The following MTRF1 variants were observed in gnomAD, a reference collection of about 807,000 sequenced individuals.
MTRF1 encodes peptide chain release factor 1, mitochondrial.
A neutral mutation model predicts 62.9 loss-of-function variants in MTRF1; 51 were observed. That is an observed-to-expected ratio of 0.81 (90% CI 0.65 to 1.02). The LOEUF is 1.02. MTRF1 is among the 50% of genes least tolerant of loss of function. The pLI is 0.00. For missense variants in MTRF1, 446 were observed against 530.0 expected (o/e 0.84, Z 1.56); for synonymous variants, 158 against 181.9 (o/e 0.87, Z 1.06).
chr13:41,225,751 G>T (rs1188509460), intron 8 of MTRF1, among the ~76,000 whole-genome samples: 5 of 147,506 alleles, frequency 3.4e-5, no homozygotes, highest in Non-Finnish European at 5.9e-5. Context: ...AGAGGCTGCA[G>T]TGAGCCAAGA....
the MTRF1 span, among the ~76,000 whole-genome samples, chr13:41,290,663 G>T: frequency 1.3e-5 from 2 of 151,564 alleles, no homozygotes; most frequent in Non-Finnish European, 2.9e-5. Context: ...AAAGTGCTGG[G>T]ATTACAGCTG....
upstream of MTRF1, among the ~76,000 whole-genome samples, chr13:41,267,970 A>G (rs996783499): frequency 6.6e-6 from 1 of 152,176 alleles, no homozygotes; most frequent in African/African-American, 2.4e-5. Context: ...TTTGTAAAGA[A>G]GGGGTTTCAT....
chr13:41,292,979 A>C, the MTRF1 span, among the ~76,000 whole-genome samples: 1 of 152,146 alleles, frequency 6.6e-6, no homozygotes, highest in Non-Finnish European at 1.5e-5. Context: ...ATTTGCCTGA[A>C]ATTTTGGTCC....
intron 9 of MTRF1, among the ~76,000 whole-genome samples, chr13:41,219,548 A>T (rs2032764532): frequency 6.6e-6 from 1 of 152,212 alleles, no homozygotes; most frequent in Non-Finnish European, 1.5e-5. Flanking sequence ...AAATTAAAAA[A>T]TGAAGGAGAA....
intron 5 of MTRF1, among the ~76,000 whole-genome samples, chr13:41,251,906 G>T (rs187088288): frequency 3.6e-4 from 55 of 151,630 alleles, no homozygotes; most frequent in Admixed American, 2.8e-3. Context: ...TTTTGAGACA[G>T]TCTCACTTTG....
At chr13:41,218,660 T>A (rs2032483121) in intron 9 of MTRF1, among the ~76,000 whole-genome samples, 2 of 152,210 alleles carry the variant, frequency 1.3e-5, no homozygotes, top group African/African-American at 4.8e-5. Context: ...ATTTGTACAT[T>A]GCCATTTTAG....
At chr13:41,263,800 T>C (rs910659423), upstream of MTRF1, among the ~76,000 whole-genome samples, 4 of 63,074 alleles carry the variant, frequency 6.3e-5, no homozygotes, top group African/African-American at 2.3e-4. Flanking sequence ...GGGATGGAGA[T>C]GGTGGGAGGG....
chr13:41,227,806 C>T (rs1291871571), intron 7 of MTRF1, among the ~76,000 whole-genome samples: 3 of 152,230 alleles, frequency 2.0e-5, no homozygotes, highest in Non-Finnish European at 4.4e-5. Flanking sequence ...AAATAAGCTA[C>T]AGTCACTACC....
intron 6 of MTRF1, among the ~76,000 whole-genome samples, chr13:41,237,700 T>C (rs568044274): frequency 6.6e-6 from 1 of 152,150 alleles, no homozygotes; most frequent in South Asian, 2.1e-4. Context: ...GGTTTCACCA[T>C]GTTGGCCAGG....
At chr13:41,310,855 C>CT in the MTRF1 span, among the ~76,000 whole-genome samples, 1 of 152,220 alleles carries the variant, frequency 6.6e-6, no homozygotes, top group Non-Finnish European at 1.5e-5. Flanking sequence ...GCAAAAAACT[C>CT]TGACTCTTCA....
chr13:41,311,537 C>T, the MTRF1 span: 3 of 1,605,682 alleles, frequency 1.9e-6, no homozygotes, highest in African/African-American at 4.0e-5. Flanking sequence ...CGATGCCGAA[C>T]GTGCTGCTGC....
intron 6 of MTRF1, among the ~76,000 whole-genome samples, chr13:41,238,429 T>C (rs941079732): frequency 6.6e-6 from 1 of 152,236 alleles, no homozygotes; most frequent in African/African-American, 2.4e-5. Context: ...TGAAACTTGA[T>C]ACATGAGTTT....
At chr13:41,226,688 A>G in intron 7 of MTRF1, 120 bp from the exon 8 acceptor site, 3 of 1,177,556 alleles carry the variant, frequency 2.5e-6, no homozygotes, top group Non-Finnish European at 3.6e-6. Context: ...CAAACATTTT[A>G]GGTTTAGCAC....
At chr13:41,298,623 G>A in the MTRF1 span, among the ~76,000 whole-genome samples, 195 of 152,288 alleles carry the variant, frequency 1.3e-3, 2 homozygotes, top group Non-Finnish European at 1.1e-3. Flanking sequence ...ACTAATATGC[G>A]AATCACTTGG....
intron 7 of MTRF1, among the ~76,000 whole-genome samples, chr13:41,228,543 T>C (rs183892417): frequency 2.1e-3 from 317 of 152,182 alleles, no homozygotes; most frequent in African/African-American, 7.4e-3. Flanking sequence ...CACTCTAGCC[T>C]GGACAACAGA....
chr13:41,279,851 A>G, the MTRF1 span, among the ~76,000 whole-genome samples: 1 of 152,110 alleles, frequency 6.6e-6, no homozygotes, highest in African/African-American at 2.4e-5. Context: ...TTTAGGTCTG[A>G]TAAGAAACAT....
chr13:41,259,712 A>AAAAAACAAAACCAAAAAAAAAC (rs57661393), intron 2 of MTRF1, among the ~76,000 whole-genome samples: 1 of 136,714 alleles, frequency 7.3e-6, no homozygotes, highest in East Asian at 2.1e-4. Flanking sequence ...AAAAAAAAAA[A>AAAAAACAAAACCAAAAAAAAAC]AAAAAAAAAC....
chr13:41,250,165 G>A (rs562728044), intron 5 of MTRF1, among the ~76,000 whole-genome samples: 289 of 152,074 alleles, frequency 1.9e-3, no homozygotes, highest in African/African-American at 6.6e-3. Flanking sequence ...GTTCACTCAG[G>A]ATATTTTCTA....
At chr13:41,263,219 C>T in intron 1 of MTRF1, 3 of 1,262,984 alleles carry the variant, frequency 2.4e-6, no homozygotes, top group Admixed American at 2.3e-5. Flanking sequence ...TCATGAATCT[C>T]AACATTAAGG....
Sources: gnomAD v4.1 joint callset for allele counts (sites outside exome capture counted in the v4.1 genomes callset) on GRCh38, gnomAD v4.1.1 for gene constraint, MANE v1.5 for transcripts, NCBI Gene and HGNC (gene_info 2026-07-23, HGNC 2026-07-21) for gene names.